ZNF729: variants seen among roughly 807,000 people sequenced by gnomAD.
ZNF729 encodes the protein zinc finger protein 729.
In ZNF729, 15 loss-of-function variants were observed where a neutral mutation model predicts 12.2. That is an observed-to-expected ratio of 1.23 (90% confidence interval 0.82 to 1.89). The LOEUF (loss-of-function observed/expected upper bound fraction) is 1.89. ZNF729 is among the 40% of genes most tolerant of loss of function. The probability of loss-of-function intolerance (pLI) is 0.00; values close to 1 mark genes in which losing one functional copy is unlikely to be tolerated. For synonymous variants in ZNF729, 492 were observed against 476.3 expected (o/e 1.03, Z -0.43); for missense variants, 1,540 against 1,456.7 (o/e 1.06, Z -0.93).
rs776690693 is a variant in ZNF729, at chr19:22,316,747, C to G, written c.3330C>G (p.Gly1110=). The change falls in exon 4 of 4, where the codon GGC becomes GGG. Residue 1110 remains glycine (G), a synonymous_variant. Coordinates refer to ENST00000601693, the MANE Select transcript of ZNF729 (RefSeq NM_001242680.2). ...GKKPYQCDEC[G]KAFNNSSTLT... ...AACCCTACCAATGTGACGAATGTGG[C>G]AAAGCTTTTAACAATTCCTCAACCC... is the stretch of plus-strand genomic sequence containing the variant. 12 of 1,612,682 alleles carry G rather than the reference C, an allele frequency of 7.4e-6. 1 individual carries two copies. The South Asian group carries it at 1.2e-4, about 16-fold the overall frequency.
chr19:22,305,362 C>A (rs1012620894), intron 3 of ZNF729, among the ~76,000 whole-genome samples: 1 of 151,862 alleles, frequency 6.6e-6, no homozygotes, highest in African/African-American at 2.4e-5. Context: ...ATAATGTTAC[C>A]TACATTTTGT....
Position 22,315,105 on chromosome 19 carries a change from A to G in ZNF729, c.1688A>G (p.Lys563Arg). ...TGGTCATCAAAACTTACTGTACATA[A>G]GGTAATTCATACTGGAGAGAAACCC... Reference protein sequence around the residue: ...FKWSSKLTVHKVIHTGEKPCK... With the variant: ...FKWSSKLTVHRVIHTGEKPCK... Residue 563 changes from lysine (K) to arginine (R), a missense_variant, in exon 4 of 4, where the codon AAG (lysine) becomes AGG (arginine). Physicochemically the swap from Lys to Arg is conservative, Grantham distance 26. Transcript: ENST00000601693. 1.2e-6 allele frequency: 2 copies of G among 1,611,006 alleles called. No homozygotes were observed. Among genetic ancestry groups the G allele is most frequent in the South Asian group, 2.2e-5 (2 of 91,046 alleles).
intron 1 of ZNF729, among the ~76,000 whole-genome samples, chr19:22,287,938 C>G (rs1450398781): frequency 6.6e-6 from 1 of 151,578 alleles, no homozygotes; most frequent in Non-Finnish European, 1.5e-5. Flanking sequence ...CTCCGCCTTC[C>G]GGGTTCAAGC....
chr19:22,300,561 T>G (rs1278858316), intron 1 of ZNF729, among the ~76,000 whole-genome samples: 1 of 152,232 alleles, frequency 6.6e-6, no homozygotes, highest in African/African-American at 2.4e-5. Flanking sequence ...ACAATTGTGC[T>G]GCAAAGTGCA....
intron 3 of ZNF729, 40 bp from the exon 4 acceptor site, chr19:22,313,631 T>C: frequency 1.4e-6 from 2 of 1,422,294 alleles, no homozygotes; most frequent in Non-Finnish European, 1.8e-6. Context: ...TTCATCTGAG[T>C]CTAGCAAGTG....
intron 3 of ZNF729, among the ~76,000 whole-genome samples, chr19:22,311,694 ATTTG>A (rs1196647711): frequency 2.0e-5 from 3 of 152,146 alleles, no homozygotes; most frequent in African/African-American, 7.2e-5. Flanking sequence ...TTCTGTATAT[ATTTG>A]TTAAGTCCAT....
At chr19:22,304,113 A>G (rs1291468974) in intron 2 of ZNF729, among the ~76,000 whole-genome samples, 1 of 145,174 alleles carries the variant, frequency 6.9e-6, no homozygotes, top group African/African-American at 2.6e-5. Flanking sequence ...ATCTCAGCTC[A>G]CTGCAACCTC....
chr19:22,309,440 A>G (rs1488674327), intron 3 of ZNF729, among the ~76,000 whole-genome samples: 5 of 152,112 alleles, frequency 3.3e-5, no homozygotes, highest in African/African-American at 1.2e-4. Context: ...GCAAAACTCC[A>G]TCTCAGAAAA....
intron 1 of ZNF729, among the ~76,000 whole-genome samples, chr19:22,291,878 T>C (rs1303797110): frequency 6.6e-6 from 1 of 151,994 alleles, no homozygotes; most frequent in Non-Finnish European, 1.5e-5. Context: ...GGACTACAGG[T>C]GGCTGCCACC....
Position 22,316,889 on chromosome 19 carries a change from A to G in ZNF729, c.3472A>G (p.Lys1158Glu). Residue 1158 changes from lysine (K) to glutamate (E), a missense_variant, in exon 4 of 4, where the codon AAA (lysine) becomes GAA (glutamate). Lys to Glu is a moderately conservative substitution (Grantham distance 56). Coordinates refer to ENST00000601693, the MANE Select transcript of ZNF729 (RefSeq NM_001242680.2). ...TKHKIIHSVE[K>E]PYKCEECGKA... ...ACATAAGATAATTCATTCTGTAGAG[A>G]AACCCTACAAATGTGAAGAATGTGG... is the stretch of plus-strand genomic sequence containing the variant. 1 of 1,613,070 alleles carries G rather than the reference A, an allele frequency of 6.2e-7. No homozygotes were observed. Among genetic ancestry groups the G allele is most frequent in the Non-Finnish European group, 8.5e-7 (1 of 1,179,968 alleles).
intron 1 of ZNF729, among the ~76,000 whole-genome samples, chr19:22,295,429 C>T (rs906217129): frequency 3.3e-5 from 5 of 150,390 alleles, no homozygotes; most frequent in Admixed American, 6.6e-5. Context: ...GCTCTGTCGC[C>T]CAGGCTGGAG....
At chr19:22,300,108 A>C (rs562458165) in intron 1 of ZNF729, among the ~76,000 whole-genome samples, 141 of 152,334 alleles carry the variant, frequency 9.3e-4, no homozygotes, top group African/African-American at 3.3e-3. Flanking sequence ...GGAGATTGAG[A>C]GCCTACCTTC....
In ZNF729 at chr19:22,308,372, T is replaced by G. The variant is rs564594757; in HGVS notation, c.253+3589T>G. 2.0e-5 allele frequency among the ~76,000 whole-genome samples: 3 copies of G among 152,314 alleles called. No individual in the cohort carries two copies. The East Asian group carries it at 5.8e-4, about 29-fold the overall frequency. On this transcript the variant is annotated intron_variant, in intron 3 of 3. Transcript: ENST00000601693. The stretch of plus-strand genomic sequence containing the variant: ...TTTTTCATGTAATGACTTCTTTTCT[T>G]CTGGGTAGATACCCAGTAGTGGGAC...
chr19:22,315,936 G>A lies in ZNF729; in HGVS notation c.2519G>A (p.Arg840Lys), dbSNP rs770646973. 44 of 1,609,674 alleles carry A rather than the reference G, an allele frequency of 2.7e-5. No homozygotes were observed. Among genetic ancestry groups the A allele is most frequent in the Admixed American group, 1.2e-4 (7 of 59,830 alleles). Residue 840 changes from arginine to lysine, a missense_variant, in exon 4 of 4, where the codon AGA becomes AAA. Physicochemically the swap from Arg to Lys is conservative, Grantham distance 26. Coordinates refer to ENST00000601693, the MANE Select transcript of ZNF729 (RefSeq NM_001242680.2). ...GCTTTTAAGCATTTCTCAGCCCTTA[G>A]AAAACATAAGGTAATTCATACTGGA... is the stretch of plus-strand genomic sequence containing the variant. ...GKAFKHFSALRKHKVIHTGKK... is the reference protein window; with the variant it reads ...GKAFKHFSALKKHKVIHTGKK...
rs76060577 is a variant in ZNF729, at chr19:22,315,414, G to A, written c.1997G>A (p.Ser666Asn). Residue 666 changes from serine (S) to asparagine (N), a missense_variant, in exon 4 of 4, where the codon AGC becomes AAC. Ser to Asn is a conservative substitution (Grantham distance 46). Transcript: ENST00000601693. Reference sequence around the variant, plus strand: ...TGTGAAGAATGTGGCAAAGCTTTTAGCCATTTCTCAGCCCTTAGAAGACAT... The same window carrying A: ...TGTGAAGAATGTGGCAAAGCTTTTAACCATTTCTCAGCCCTTAGAAGACAT... ...YKCEECGKAF[S>N]HFSALRRHKI... 203 of 1,607,130 alleles carry A rather than the reference G, an allele frequency of 1.3e-4. 5 individuals are homozygous for A. The Middle Eastern group carries it at 8.0e-3, about 64-fold the overall frequency.
chr19:22,314,218 A>G lies in ZNF729; in HGVS notation c.801A>G (p.Glu267=). Residue 267 remains glutamate, a synonymous_variant, in exon 4 of 4, where the codon GAA becomes GAG. Coordinates refer to ENST00000601693, the MANE Select transcript of ZNF729 (RefSeq NM_001242680.2). ...IHTGETPFRC[E]ECGKAFNQSS... Reference sequence around the variant, plus strand: ...CTGGAGAGACACCTTTCAGATGTGAAGAATGTGGCAAAGCTTTTAACCAGT... The same window carrying G: ...CTGGAGAGACACCTTTCAGATGTGAGGAATGTGGCAAAGCTTTTAACCAGT... The G allele has an allele frequency of 6.2e-7, 1 of 1,604,824 alleles. No individual in the cohort carries two copies. The highest frequency in any genetic ancestry group is 1.1e-5 in the South Asian group (1 of 90,340).
In ZNF729 at chr19:22,317,066, A is replaced by T; in HGVS notation, c.3649A>T (p.Asn1217Tyr). The T allele has an allele frequency of 6.2e-7, 1 of 1,605,454 alleles. No individual in the cohort carries two copies. Among genetic ancestry groups the T allele is most frequent in the Non-Finnish European group, 8.5e-7 (1 of 1,176,768 alleles). Reference protein sequence around the residue: ...KTIHTREKPTNVKKVPKLLSN... With the variant: ...KTIHTREKPTYVKKVPKLLSN... ...AATTCATACCAGAGAGAAACCTACA[A>T]ATGTGAAGAAAGTACCAAAGCTTTT... The change falls in exon 4 of 4, where the codon AAT becomes TAT. Residue 1217 changes from asparagine (N) to tyrosine (Y), a missense_variant. Coordinates refer to ENST00000601693, the MANE Select transcript of ZNF729 (RefSeq NM_001242680.2).
chr19:22,290,953 G>A (rs1968144072), intron 1 of ZNF729, among the ~76,000 whole-genome samples: 1 of 152,098 alleles, frequency 6.6e-6, no homozygotes, highest in Admixed American at 6.5e-5. Flanking sequence ...TATTGAACTT[G>A]AAGAAGGTTA....
chr19:22,296,032 A>G (rs1257478272), intron 1 of ZNF729, among the ~76,000 whole-genome samples: 1 of 152,128 alleles, frequency 6.6e-6, no homozygotes, highest in Non-Finnish European at 1.5e-5. Context: ...GTTTGCCAGC[A>G]TTTTGTTGAG....
Sources: gnomAD v4.1 joint callset for allele counts (sites outside exome capture counted in the v4.1 genomes callset) on GRCh38, gnomAD v4.1.1 for gene constraint, MANE v1.5 for transcripts, NCBI Gene and HGNC (gene_info 2026-07-23, HGNC 2026-07-21) for gene names.